The following DYNLT5 variants were observed in gnomAD, a reference collection of about 807,000 sequenced individuals.
DYNLT5 encodes dynein light chain Tctex-type family member 5.
Under a neutral mutation model 19.3 loss-of-function variants are expected in DYNLT5, and 25 were observed. The ratio of observed to expected loss-of-function variants is 1.30; its 90% CI spans 0.95 to 1.81. The LOEUF is 1.81. DYNLT5 is among the 40% of genes most tolerant of loss of function. The probability of loss-of-function intolerance (pLI) is 0.00; values close to 1 mark genes in which losing one functional copy is unlikely to be tolerated. For synonymous variants in DYNLT5, 82 were observed against 68.9 expected (o/e 1.19, Z -0.94); for missense variants, 232 against 217.9 (o/e 1.06, Z -0.41).
intron 2 of DYNLT5, among the ~76,000 whole-genome samples, chr1:66,757,669 C>T (rs145474895): frequency 7.3e-4 from 111 of 151,984 alleles, no homozygotes; most frequent in African/African-American, 2.5e-3. Flanking sequence ...AGGGCCCTTG[C>T]GATGAACCTT....
intron 2 of DYNLT5, among the ~76,000 whole-genome samples, chr1:66,763,415 T>C (rs940395026): frequency 5.9e-5 from 9 of 152,230 alleles, no homozygotes; most frequent in Non-Finnish European, 1.2e-4. Context: ...CAGTCTGTCC[T>C]TTGAAGCTTT....
At chr1:66,758,923 A>G (rs2094641018) in intron 2 of DYNLT5, among the ~76,000 whole-genome samples, 1 of 152,160 alleles carries the variant, frequency 6.6e-6, no homozygotes, top group African/African-American at 2.4e-5. Context: ...AAGGCTAGAG[A>G]TTAGAAGATC....
At chr1:66,760,142 T>C (rs1486767106) in intron 2 of DYNLT5, among the ~76,000 whole-genome samples, 1 of 152,200 alleles carries the variant, frequency 6.6e-6, no homozygotes, top group Non-Finnish European at 1.5e-5. Flanking sequence ...CCAAACTCCC[T>C]TAACCTGCTC....
intron 3 of DYNLT5, among the ~76,000 whole-genome samples, chr1:66,775,760 A>G (rs1332985846): frequency 6.6e-6 from 1 of 152,216 alleles, no homozygotes; most frequent in Non-Finnish European, 1.5e-5. Flanking sequence ...AAGATATTCC[A>G]TTTGAAAACT....
At chr1:66,758,082 A>G (rs1456160833) in intron 2 of DYNLT5, among the ~76,000 whole-genome samples, 1 of 151,668 alleles carries the variant, frequency 6.6e-6, no homozygotes, top group African/African-American at 2.4e-5. Flanking sequence ...GCTTAGAGAG[A>G]TTGAGGCTCC....
chr1:66,753,229 G>T (rs1557868611), intron 1 of DYNLT5, among the ~76,000 whole-genome samples: 1 of 152,148 alleles, frequency 6.6e-6, no homozygotes, highest in African/African-American at 2.4e-5. Context: ...GGGTTTTAGG[G>T]TATGTTCTTG....
intron 1 of DYNLT5, among the ~76,000 whole-genome samples, chr1:66,753,039 A>T (rs952350951): frequency 1.3e-5 from 2 of 152,200 alleles, no homozygotes; most frequent in Admixed American, 6.5e-5. Context: ...TTCCACACTC[A>T]TAAACACACT....
intron 2 of DYNLT5, among the ~76,000 whole-genome samples, chr1:66,762,452 T>C (rs12121275): frequency 6.6e-6 from 1 of 152,190 alleles, no homozygotes; most frequent in Non-Finnish European, 1.5e-5. Context: ...TCTCTTTCTA[T>C]TTCCACTGCA....
At chr1:66,773,841 A>T (rs1462935100) in intron 3 of DYNLT5, among the ~76,000 whole-genome samples, 1 of 152,112 alleles carries the variant, frequency 6.6e-6, no homozygotes, top group East Asian at 1.9e-4. Flanking sequence ...AGGAAAAAAA[A>T]AATCTCGAGA....
In DYNLT5 at chr1:66,778,970, C is replaced by T. The variant is rs1035377450; in HGVS notation, c.*1516C>T. The stretch of plus-strand genomic sequence containing the variant: ...TTACACATTGGTGAACATCTCCCTT[C>T]GTGGAACAACAGCGGGGGTAATCAT... On this transcript the variant is annotated 3_prime_UTR_variant, in exon 5 of 5. Coordinates refer to ENST00000282670, the MANE Select transcript of DYNLT5 (RefSeq NM_152665.3). Among the ~76,000 whole-genome samples, 3 of 152,108 alleles carry T rather than the reference C, an allele frequency of 2.0e-5. No homozygotes were observed. The highest frequency in any genetic ancestry group is 2.9e-5 in the Non-Finnish European group (2 of 68,020).
intron 1 of DYNLT5, among the ~76,000 whole-genome samples, chr1:66,753,299 G>A (rs181352040): frequency 2.3e-3 from 350 of 152,264 alleles, no homozygotes; most frequent in African/African-American, 8.0e-3. Flanking sequence ...CTATTTTTAT[G>A]CTTTGGTGTC....
intron 2 of DYNLT5, among the ~76,000 whole-genome samples, chr1:66,755,190 C>G (rs887876351): frequency 6.6e-6 from 1 of 152,054 alleles, no homozygotes; most frequent in Non-Finnish European, 1.5e-5. Context: ...TTTTCCATAT[C>G]CTCTTAAATG....
At position 66,754,585 on chromosome 1, in the gene DYNLT5, A is replaced by G. The variant is rs553102163; in HGVS notation, c.-3-71A>G. ...AAAACTATCTGTGTACTTTGAGATT[A>G]GTCCCTGTTATACTAACTAAAATGT... On this transcript the variant is annotated intron_variant, in intron 1 of 4. Coordinates refer to ENST00000282670, the MANE Select transcript of DYNLT5 (RefSeq NM_152665.3). 4.6e-5 allele frequency: 67 copies of G among 1,441,814 alleles called. No individual in the cohort carries two copies. The South Asian group carries it at 1.0e-3, about 21-fold the overall frequency. The allele number at this position is 1,441,814 out of a possible 1,614,324, so 89.3% of individuals were successfully genotyped here.
rs571007323 is a variant in DYNLT5 at position 66,776,410 on chromosome 1, G to A, written c.336+7G>A. The A allele has an allele frequency of 6.3e-7, 1 of 1,594,842 alleles. No homozygotes were observed. The highest frequency in any genetic ancestry group is 8.6e-7 in the Non-Finnish European group (1 of 1,168,582). Reference sequence around the variant, plus strand: ...GACTAAAACCATTTCTGAGGTACGTGTGTGATTTGCCCAAAGTGTTAACAA... The same window carrying A: ...GACTAAAACCATTTCTGAGGTACGTATGTGATTTGCCCAAAGTGTTAACAA... On this transcript the variant is annotated splice_region_variant and intron_variant, in intron 4 of 4. Coordinates refer to ENST00000282670, the MANE Select transcript of DYNLT5 (RefSeq NM_152665.3).
At chr1:66,756,271 T>C (rs2094635869) in intron 2 of DYNLT5, among the ~76,000 whole-genome samples, 1 of 152,216 alleles carries the variant, frequency 6.6e-6, no homozygotes, top group South Asian at 2.1e-4. Context: ...TTTTCTTAAA[T>C]AGCAAATGAT....
At chr1:66,756,944 T>G (rs2094637047) in intron 2 of DYNLT5, among the ~76,000 whole-genome samples, 1 of 152,240 alleles carries the variant, frequency 6.6e-6, no homozygotes, top group Admixed American at 6.5e-5. Flanking sequence ...TCTTCACTTC[T>G]TCCATCAGAA....
At chr1:66,773,358 G>T (rs149913487) in intron 3 of DYNLT5, among the ~76,000 whole-genome samples, 244 of 152,250 alleles carry the variant, frequency 1.6e-3, no homozygotes, top group African/African-American at 5.7e-3. Context: ...TCCATGAAGT[G>T]CTCAGGCCCT....
At chr1:66,754,194 C>G (rs988841784) in intron 1 of DYNLT5, among the ~76,000 whole-genome samples, 4 of 152,180 alleles carry the variant, frequency 2.6e-5, no homozygotes, top group African/African-American at 9.7e-5. Context: ...GAGCCATGAT[C>G]ATGCCACTGC....
Position 66,776,336 on chromosome 1 carries a change from C to T in DYNLT5, c.269C>T (p.Thr90Ile). 6.2e-7 allele frequency: 1 copy of T among 1,613,282 alleles called. No homozygotes were observed. Among genetic ancestry groups the T allele is most frequent in the Non-Finnish European group, 8.5e-7 (1 of 1,179,616 alleles). Residue 90 changes from threonine to isoleucine, a missense_variant, in exon 4 of 5, where the codon ACC (threonine) becomes ATC (isoleucine). By Grantham distance (89) the Thr-to-Ile change is moderately conservative. Transcript: ENST00000282670. ...AATCATATTTTGAAAGATGTAGTAA[C>T]CAGCTATCTACAAGTAGAAGAATAT... ...TVNHILKDVV[T>I]SYLQVEEYEP...
Sources: allele counts gnomAD v4.1 joint callset (sites outside exome capture counted in the v4.1 genomes callset), GRCh38; gene constraint gnomAD v4.1.1; transcripts MANE v1.5; gene names NCBI Gene and HGNC (gene_info 2026-07-23, HGNC 2026-07-21).